POMK: variants seen among roughly 807,000 people sequenced by gnomAD.
POMK encodes the protein protein O-mannose kinase.
POMK carries 19 observed loss-of-function variants against 23.0 expected under a neutral mutation model. The ratio of observed to expected loss-of-function variants is 0.83; its 90% CI spans 0.58 to 1.21. The LOEUF is 1.21. POMK is among the 50% of genes most tolerant of loss of function. The pLI is 0.00. For missense variants in POMK, 410 were observed against 431.3 expected, an observed-to-expected ratio of 0.95 and a Z score of 0.44; for synonymous variants, 173 against 171.6, an observed-to-expected ratio of 1.01 and a Z score of -0.06.
chr8:43,107,107 G>A (rs1292344783), intron 4 of POMK, among the ~76,000 whole-genome samples: 1 of 152,008 alleles, frequency 6.6e-6, no homozygotes. Flanking sequence ...TAAATAATGA[G>A]TTTTAGGATA....
chr8:43,112,668 G>A (rs979111486), intron 4 of POMK, among the ~76,000 whole-genome samples: 54 of 152,166 alleles, frequency 3.5e-4, no homozygotes, highest in Non-Finnish European at 6.9e-4. Flanking sequence ...CAGAGAGAAA[G>A]GTCGGGTTAC....
chr8:43,110,333 G>A lies in POMK; in HGVS notation c.282+6503G>A, dbSNP rs533516432. ...ACACCAGAAGGTCTGACTGTTTCCA[G>A]TGTAGCTAGGGAGTGTGGCTAACTC... On this transcript the variant is annotated intron_variant, in intron 4 of 4. Coordinates refer to ENST00000331373, the MANE Select transcript of POMK (RefSeq NM_032237.5). Among the ~76,000 whole-genome samples, 8 of 152,348 alleles carry A rather than the reference G, an allele frequency of 5.3e-5. No individual in the cohort carries two copies. The East Asian group carries it at 1.5e-3, about 29-fold the overall frequency.
chr8:43,094,744 C>T (rs954061407), intron 1 of POMK, among the ~76,000 whole-genome samples: 3 of 152,132 alleles, frequency 2.0e-5, no homozygotes, highest in African/African-American at 7.2e-5. Flanking sequence ...AGTTTTGTCC[C>T]TTTGCTTTTC....
chr8:43,103,209 T>G (rs1047236768), intron 3 of POMK, among the ~76,000 whole-genome samples: 1 of 152,216 alleles, frequency 6.6e-6, no homozygotes, highest in Non-Finnish European at 1.5e-5. Context: ...TAATACATTT[T>G]GCTTTCATTT....
chr8:43,109,960 A>G (rs144536362), intron 4 of POMK, among the ~76,000 whole-genome samples: 1,981 of 152,340 alleles, frequency 0.013, 141 homozygotes, highest in Admixed American at 0.11. Context: ...CAATTTATGG[A>G]AAAACTGCAT....
intron 1 of POMK, among the ~76,000 whole-genome samples, chr8:43,095,567 T>C (rs1346629621): frequency 6.6e-6 from 1 of 152,168 alleles, no homozygotes; most frequent in African/African-American, 2.4e-5. Flanking sequence ...GTAGCTGATG[T>C]TGGCAGCCTT....
intron 4 of POMK, 80 bp from the exon 5 acceptor site, chr8:43,122,027 A>C: frequency 1.5e-6 from 2 of 1,364,278 alleles, no homozygotes; most frequent in South Asian, 2.6e-5. Flanking sequence ...AACACCTGCC[A>C]CTTAAAAGAT....
At chr8:43,114,823 A>G (rs1480707674) in intron 4 of POMK, among the ~76,000 whole-genome samples, 1 of 152,218 alleles carries the variant, frequency 6.6e-6, no homozygotes, top group Non-Finnish European at 1.5e-5. Flanking sequence ...TCTCCCAGTC[A>G]TCTCAAGGAC....
chr8:43,115,973 C>T (rs1040389406), intron 4 of POMK, among the ~76,000 whole-genome samples: 1 of 152,248 alleles, frequency 6.6e-6, no homozygotes. Flanking sequence ...GGCTGTAGTT[C>T]CACAAATAAC....
At position 43,122,406 on chromosome 8, in the gene POMK, C is replaced by G. The variant is rs773261949; in HGVS notation, c.582C>G (p.His194Gln). ...DYVSIINYLH[H>Q]SPVGTRVMCD... ...TCAGCATCATTAATTACCTGCACCA[C>G]AGCCCTGTGGGCACACGGGTCATGT... is the stretch of plus-strand genomic sequence containing the variant. Residue 194 changes from histidine (H) to glutamine (Q), a missense_variant, in exon 5 of 5, where the codon CAC becomes CAG. By Grantham distance (24) the His-to-Gln change is conservative. Transcript: ENST00000331373. The G allele has an allele frequency of 1.2e-6, 2 of 1,614,208 alleles. No homozygotes were observed.
intron 1 of POMK, among the ~76,000 whole-genome samples, chr8:43,094,384 A>C (rs1586667688): frequency 6.6e-6 from 1 of 152,144 alleles, no homozygotes; most frequent in East Asian, 1.9e-4. Flanking sequence ...AACCAAAACA[A>C]AACAAAAAAC....
At position 43,103,767 on chromosome 8, in the gene POMK, C is replaced by T; in HGVS notation, c.219C>T (p.Ser73=). Residue 73 remains serine (S), a synonymous_variant, in exon 4 of 5, where the codon TCC becomes TCT. Transcript: ENST00000331373. ...GQMKNCSPWL[S]CEELRTEVRQ... is the part of the protein sequence containing the mutation. ...TGAAAAACTGCTCACCTTGGCTGTC[C>T]TGCGAGGAGCTGAGAACAGAAGTGA... 1 of 1,614,216 alleles carries T rather than the reference C, an allele frequency of 6.2e-7. No homozygotes were observed. Among genetic ancestry groups the T allele is most frequent in the Non-Finnish European group, 8.5e-7 (1 of 1,180,036 alleles).
chr8:43,122,621 T>C lies in POMK; in HGVS notation c.797T>C (p.Val266Ala). 6.2e-7 allele frequency: 1 copy of C among 1,614,212 alleles called. No individual in the cohort carries two copies. Among genetic ancestry groups the C allele is most frequent in the South Asian group, 1.1e-5 (1 of 91,088 alleles). The change falls in exon 5 of 5, where the codon GTG (valine) becomes GCG (alanine). Residue 266 changes from valine to alanine, a missense_variant. Coordinates refer to ENST00000331373, the MANE Select transcript of POMK (RefSeq NM_032237.5). ...PEQLWPYGED[V>A]PFHDDLMPSY... The stretch of plus-strand genomic sequence containing the variant: ...CAACTGTGGCCCTATGGAGAGGACG[T>C]GCCTTTCCACGATGATCTCATGCCC...
chr8:43,103,697 T>C lies in POMK; in HGVS notation c.149T>C (p.Val50Ala), dbSNP rs1166887983. 6.2e-7 allele frequency: 1 copy of C among 1,614,134 alleles called. No individual in the cohort carries two copies. The highest frequency in any genetic ancestry group is 8.5e-7 in the Non-Finnish European group (1 of 1,180,044). ...HFFIAPRQSTVDPTHCPYGHF... is the reference protein window; with the variant it reads ...HFFIAPRQSTADPTHCPYGHF... ...TTCATCGCTCCTCGACAATCCACTGTGGACCCCACACACTGTCCCTATGGT... is the reference window on the plus strand; with the variant it reads ...TTCATCGCTCCTCGACAATCCACTGCGGACCCCACACACTGTCCCTATGGT... The change falls in exon 4 of 5, where the codon GTG becomes GCG. Residue 50 changes from valine to alanine, a missense_variant. Val to Ala is a moderately conservative substitution (Grantham distance 64, BLOSUM62 0). Coordinates refer to ENST00000331373, the MANE Select transcript of POMK (RefSeq NM_032237.5).
chr8:43,122,835 A>C lies in POMK; in HGVS notation c.1011A>C (p.Thr337=), dbSNP rs1490774894. 1.2e-6 allele frequency: 2 copies of C among 1,613,618 alleles called. No individual in the cohort carries two copies. Among genetic ancestry groups the C allele is most frequent in the African/African-American group, 2.7e-5 (2 of 75,030 alleles). Residue 337 remains threonine (T), a synonymous_variant, in exon 5 of 5, where the codon ACA becomes ACC. Transcript: ENST00000331373. The part of the protein sequence containing the change: ...VLETYQKVLD[T]LRDAMMSQAR... ...AGACCTACCAGAAGGTCTTGGATACACTTAGAGATGCCATGATGTCTCAGG... is the reference window on the plus strand; with the variant it reads ...AGACCTACCAGAAGGTCTTGGATACCCTTAGAGATGCCATGATGTCTCAGG...
chr8:43,119,085 A>T (rs1433191227), intron 4 of POMK, among the ~76,000 whole-genome samples: 1 of 152,192 alleles, frequency 6.6e-6, no homozygotes, highest in African/African-American at 2.4e-5. Flanking sequence ...TGCTGGGATT[A>T]CAGGCATGAG....
intron 4 of POMK, among the ~76,000 whole-genome samples, chr8:43,111,442 G>C (rs950480083): frequency 6.6e-6 from 1 of 152,236 alleles, no homozygotes; most frequent in African/African-American, 2.4e-5. Flanking sequence ...ACTGGGTGGA[G>C]CCCACCACAG....
rs149297443 is a variant in POMK, at chr8:43,122,389, A to G, written c.565A>G (p.Ile189Val). The G allele has an allele frequency of 9.2e-4, 1,478 of 1,614,238 alleles. 8 individuals carry two copies. The Middle Eastern group carries it at 0.01, about 11-fold the overall frequency. ...LELAMDYVSI[I>V]NYLHHSPVGT... ...GCTGGCCATGGACTATGTCAGCATC[A>G]TTAATTACCTGCACCACAGCCCTGT... Residue 189 changes from isoleucine (I) to valine (V), a missense_variant, in exon 5 of 5, where the codon ATT (isoleucine) becomes GTT (valine). Physicochemically the swap from Ile to Val is conservative, Grantham distance 29. Transcript: ENST00000331373.
intron 4 of POMK, among the ~76,000 whole-genome samples, chr8:43,111,299 T>G (rs1293551094): frequency 1.3e-5 from 2 of 152,204 alleles, no homozygotes; most frequent in African/African-American, 4.8e-5. Context: ...CGGAGGGTCC[T>G]ACGCCCATGG....
Sources: gnomAD v4.1 joint callset for allele counts (sites outside exome capture counted in the v4.1 genomes callset) on GRCh38, gnomAD v4.1.1 for gene constraint, MANE v1.5 for transcripts, NCBI Gene and HGNC (gene_info 2026-07-23, HGNC 2026-07-21) for gene names.